DLG1: variants seen among roughly 807,000 people sequenced by gnomAD.
The protein encoded by DLG1 is disks large homolog 1.
In DLG1, 42 loss-of-function variants were observed where a neutral mutation model predicts 123.4. The observed-to-expected ratio is 0.34, with a 90% CI of 0.27 to 0.44. The LOEUF is 0.44. Among genes scored for constraint, DLG1 ranks in the 20% least tolerant of loss-of-function variants. The pLI is 1.00. For missense variants in DLG1, 942 were observed against 1,082.6 expected, an observed-to-expected ratio of 0.87 and a Z score of 1.82; for synonymous variants, 317 against 356.2, an observed-to-expected ratio of 0.89 and a Z score of 1.24.
intron 20 of DLG1, 101 bp from the exon 21 acceptor site, chr3:197,065,910 AT>A (rs1278030603): frequency 4.2e-6 from 3 of 707,460 alleles, no homozygotes; most frequent in Non-Finnish European, 6.9e-6. Flanking sequence ...GTTATGACTA[AT>A]TTTTTTCTTC....
intron 24 of DLG1, among the ~76,000 whole-genome samples, chr3:197,049,274 A>G (rs1006143399): frequency 1.3e-5 from 2 of 152,122 alleles, no homozygotes; most frequent in Non-Finnish European, 2.9e-5. Context: ...CTGAGATCAC[A>G]CCCGCATTCC....
At chr3:197,059,736 C>G (rs1578290323) in intron 23 of DLG1, among the ~76,000 whole-genome samples, 153 bp downstream of exon 23, 1 of 152,120 alleles carries the variant, frequency 6.6e-6, no homozygotes, top group African/African-American at 2.4e-5. Flanking sequence ...ACCCATAGTG[C>G]TTATTTAATC....
chr3:197,296,279 A>T, intron 3 of DLG1, 67 bp downstream of exon 3: 2 of 1,447,616 alleles, frequency 1.4e-6, no homozygotes, highest in Non-Finnish European at 1.9e-6. Context: ...TCTTAAGTTT[A>T]AAATAAATGA....
At chr3:197,279,900 T>TG (rs1279528379) in intron 4 of DLG1, among the ~76,000 whole-genome samples, 1 of 152,226 alleles carries the variant, frequency 6.6e-6, no homozygotes, top group Admixed American at 6.5e-5. Context: ...ATAGGGTACA[T>TG]GCGATATTTG....
intron 4 of DLG1, among the ~76,000 whole-genome samples, chr3:197,250,172 A>G (rs565314896): frequency 1.3e-5 from 2 of 152,370 alleles, no homozygotes; most frequent in East Asian, 3.9e-4. Context: ...TTCACCAAAA[A>G]AAACTGTAAG....
intron 18 of DLG1, among the ~76,000 whole-genome samples, chr3:197,075,265 T>G (rs1578602038): frequency 9.2e-6 from 1 of 108,398 alleles, no homozygotes; most frequent in East Asian, 2.7e-4. Flanking sequence ...ACATCTTAGC[T>G]AAAGGAAAAA....
intron 5 of DLG1, among the ~76,000 whole-genome samples, chr3:197,176,727 T>C (rs1232817890): frequency 1.3e-5 from 2 of 152,170 alleles, no homozygotes; most frequent in East Asian, 1.9e-4. Context: ...TGGTTGCTTC[T>C]AGGTTTTGGC....
intron 14 of DLG1, among the ~76,000 whole-genome samples, chr3:197,093,542 T>C (rs566664168): frequency 1.3e-5 from 2 of 148,694 alleles, no homozygotes; most frequent in African/African-American, 2.5e-5. Context: ...CACTGCACAA[T>C]ATAGAAAGAT....
intron 5 of DLG1, among the ~76,000 whole-genome samples, chr3:197,151,618 C>T (rs1793887833): frequency 1.3e-5 from 2 of 152,158 alleles, no homozygotes; most frequent in African/African-American, 2.4e-5. Context: ...ATTCTTTCTA[C>T]ATTTGAATAT....
chr3:197,064,197 T>A (rs2148868109), intron 22 of DLG1, among the ~76,000 whole-genome samples: 1 of 143,696 alleles, frequency 7.0e-6, no homozygotes, highest in East Asian at 2.0e-4. Context: ...CTGGCCTTAT[T>A]TTTTTTTTTT....
chr3:197,126,544 G>T (rs1249189626), intron 11 of DLG1, among the ~76,000 whole-genome samples: 1 of 151,804 alleles, frequency 6.6e-6, no homozygotes, highest in Non-Finnish European at 1.5e-5. Context: ...TGTGCACATG[G>T]TTATTAGATA....
At chr3:197,045,781 T>C (rs776229715) in intron 24 of DLG1, among the ~76,000 whole-genome samples, 3 of 151,994 alleles carry the variant, frequency 2.0e-5, no homozygotes, top group Non-Finnish European at 4.4e-5. Context: ...AATGAAATAA[T>C]TGAGAATTGC....
chr3:197,230,322 TAC>T (rs1255347192), intron 4 of DLG1, among the ~76,000 whole-genome samples: 2 of 152,202 alleles, frequency 1.3e-5, no homozygotes, highest in Non-Finnish European at 2.9e-5. Flanking sequence ...TATTACATAT[TAC>T]AGTTCCATGT....
intron 4 of DLG1, among the ~76,000 whole-genome samples, chr3:197,281,078 C>A (rs979336646): frequency 6.7e-6 from 1 of 148,926 alleles, no homozygotes; most frequent in Non-Finnish European, 1.5e-5. Flanking sequence ...TCGCTTGTTG[C>A]CCAGACTGGA....
At chr3:197,133,511 A>AT (rs1783668503) in intron 10 of DLG1, among the ~76,000 whole-genome samples, 1 of 152,254 alleles carries the variant, frequency 6.6e-6, no homozygotes, top group South Asian at 2.1e-4. Context: ...GTTTTCTCAC[A>AT]TATCACTAGA....
intron 1 of DLG1, chr3:197,297,645 C>T: frequency 1.0e-6 from 1 of 995,652 alleles, no homozygotes; most frequent in South Asian, 4.4e-5. Flanking sequence ...GGCCGCCCGC[C>T]CTGCTCGGGC....
At chr3:197,088,424 T>C (rs896470957) in intron 15 of DLG1, among the ~76,000 whole-genome samples, 1 of 152,162 alleles carries the variant, frequency 6.6e-6, no homozygotes, top group Non-Finnish European at 1.5e-5. Context: ...CCAAATTCTC[T>C]ACTGGGGAGA....
chr3:197,111,000 G>A (rs989345970), intron 13 of DLG1, among the ~76,000 whole-genome samples: 6 of 152,102 alleles, frequency 3.9e-5, no homozygotes, highest in South Asian at 2.1e-4. Context: ...AAGGATACAC[G>A]GAGGTTTTCA....
At chr3:197,119,062 AT>A (rs1280606069) in intron 12 of DLG1, among the ~76,000 whole-genome samples, 6 of 152,148 alleles carry the variant, frequency 3.9e-5, no homozygotes, top group African/African-American at 7.2e-5. Flanking sequence ...TAACTGCCAT[AT>A]TTTTATGGTA....
Sources: allele counts gnomAD v4.1 joint callset (sites outside exome capture counted in the v4.1 genomes callset), GRCh38; gene constraint gnomAD v4.1.1; transcripts MANE v1.5; gene names NCBI Gene and HGNC (gene_info 2026-07-23, HGNC 2026-07-21).